The following ADCY9 variants were observed in gnomAD, a reference collection of about 807,000 sequenced individuals.
The protein encoded by ADCY9 is adenylate cyclase type 9.
ADCY9 carries 50 observed loss-of-function variants against 101.5 expected under a neutral mutation model. That is an observed-to-expected ratio of 0.49 (90% confidence interval 0.39 to 0.62). The LOEUF (loss-of-function observed/expected upper bound fraction) is 0.62, where lower values mean the gene tolerates loss of function less well. Ranked by LOEUF, ADCY9 falls within the 20% of genes least tolerant of loss-of-function variation. The pLI, the probability that ADCY9 is intolerant of heterozygous loss-of-function variation, is 0.00. For missense variants in ADCY9, 1,662 were observed against 1,800.4 expected (o/e 0.92, Z 1.39); for synonymous variants, 905 against 769.3 (o/e 1.18, Z -2.92).
chr16:4,097,549 A>ATTTTT (rs71394654), intron 2 of ADCY9, among the ~76,000 whole-genome samples: 578 of 48,106 alleles, frequency 0.012, 17 homozygotes, highest in Admixed American at 0.017. Flanking sequence ...ATATATATAT[A>ATTTTT]TATATTTTTT....
intron 2 of ADCY9, among the ~76,000 whole-genome samples, chr16:4,109,141 T>C (rs940305819): frequency 6.6e-6 from 1 of 152,222 alleles, no homozygotes; most frequent in Admixed American, 6.5e-5. Flanking sequence ...TCCTGCTTTA[T>C]GTTTGTTCAC....
intron 2 of ADCY9, among the ~76,000 whole-genome samples, chr16:4,089,075 A>C (rs879760508): frequency 1.3e-5 from 2 of 151,926 alleles, no homozygotes; most frequent in Admixed American, 6.6e-5. Context: ...AATCATATAA[A>C]ACGTGGCATT....
intron 2 of ADCY9, among the ~76,000 whole-genome samples, chr16:4,014,519 C>T (rs1473800662): frequency 6.6e-6 from 1 of 151,678 alleles, no homozygotes; most frequent in African/African-American, 2.4e-5. Flanking sequence ...GCGATCTCAG[C>T]TCACTGCAAC....
intron 2 of ADCY9, among the ~76,000 whole-genome samples, chr16:4,012,365 C>A (rs555052520): frequency 2.0e-5 from 3 of 151,108 alleles, no homozygotes; most frequent in East Asian, 3.9e-4. Context: ...TCAAGCCCAG[C>A]GAAAGTCTTA....
chr16:3,974,818 G>A (rs998370354), intron 9 of ADCY9, 108 bp from the exon 10 acceptor site: 5 of 881,226 alleles, frequency 5.7e-6, no homozygotes, highest in South Asian at 4.3e-5. Flanking sequence ...AGACGTGGTT[G>A]TACATCCACA....
chr16:3,989,792 A>G (rs2056229442), intron 5 of ADCY9, among the ~76,000 whole-genome samples: 2 of 152,222 alleles, frequency 1.3e-5, no homozygotes, highest in African/African-American at 2.4e-5. Context: ...GAGTACTTAC[A>G]TGGATTTGGA....
chr16:4,115,627 C>G lies in ADCY9; in HGVS notation c.-44+63G>C. On this transcript the variant is annotated intron_variant, in intron 1 of 10. Transcript: ENST00000294016. The surrounding 1 kb of genome is among the most constrained non-coding windows in gnomAD (Gnocchi z 6.2). The stretch of plus-strand genomic sequence containing the variant: ...TCTGTTCCTGTGGTTCCCGGCTCAG[C>G]GGTGCTCCCACCGCCCCCACCGCCC... 1.4e-6 allele frequency: 1 copy of G among 721,718 alleles called. No individual in the cohort carries two copies. The highest frequency in any genetic ancestry group is 2.2e-5 in the South Asian group (1 of 44,786). 44.7% of individuals were successfully genotyped at this position (721,718 alleles called of 1,614,324 possible). A position where few individuals can be genotyped will look rare whatever the true frequency, so the allele number is the denominator to read the frequency against.
chr16:3,954,743 C>G (rs1467514647), intron 5 of ADCY9, among the ~76,000 whole-genome samples: 1 of 152,142 alleles, frequency 6.6e-6, no homozygotes, highest in Non-Finnish European at 1.5e-5. Context: ...GGAGTCCACA[C>G]AGGGGAGCTC....
chr16:4,066,583 C>T (rs947647787), intron 2 of ADCY9, among the ~76,000 whole-genome samples: 13 of 152,052 alleles, frequency 8.5e-5, no homozygotes, highest in Non-Finnish European at 1.6e-4. Flanking sequence ...AATGAGGTCT[C>T]GCTGTTGCCC....
chr16:4,075,844 C>CAAA (rs146514915), intron 2 of ADCY9, among the ~76,000 whole-genome samples: 2 of 151,658 alleles, frequency 1.3e-5, no homozygotes, highest in Non-Finnish European at 2.9e-5. Context: ...AGATACCTGG[C>CAAA]TGAGAGTATC....
At chr16:4,099,423 T>C (rs539084348) in intron 2 of ADCY9, among the ~76,000 whole-genome samples, 3 of 152,232 alleles carry the variant, frequency 2.0e-5, no homozygotes, top group Admixed American at 6.5e-5. Context: ...GAAACATGCA[T>C]ATACTATTCA....
chr16:3,974,929 G>T (rs551907526), intron 9 of ADCY9, among the ~76,000 whole-genome samples: 2 of 152,092 alleles, frequency 1.3e-5, no homozygotes, highest in Admixed American at 6.6e-5. Flanking sequence ...TTACCATCCC[G>T]CATCCTCTCT....
chr16:4,038,478 G>T (rs1208378821), intron 2 of ADCY9, among the ~76,000 whole-genome samples: 1 of 152,070 alleles, frequency 6.6e-6, no homozygotes, highest in African/African-American at 2.4e-5. Context: ...CAATGCCAAG[G>T]CCTCGATCCT....
At chr16:3,973,780 A>G (rs868130736) in intron 10 of ADCY9, among the ~76,000 whole-genome samples, 17 of 152,194 alleles carry the variant, frequency 1.1e-4, no homozygotes, top group Admixed American at 4.6e-4. Context: ...GGCGGGAGTC[A>G]CCGAGCCCGG....
intron 3 of ADCY9, among the ~76,000 whole-genome samples, chr16:3,995,588 C>G (rs148705889): frequency 6.7e-6 from 1 of 149,712 alleles, no homozygotes; most frequent in Non-Finnish European, 1.5e-5. Flanking sequence ...GAAGACAAAC[C>G]GTGGCAAGAA....
chr16:4,093,738 G>A (rs975973628), intron 2 of ADCY9, among the ~76,000 whole-genome samples: 4 of 152,236 alleles, frequency 2.6e-5, no homozygotes, highest in East Asian at 1.9e-4. Context: ...CAGCCTGGGC[G>A]ACAGAGCCAG....
At chr16:3,958,541 C>CA (rs57920543), downstream of ADCY9, among the ~76,000 whole-genome samples, 149 of 104,118 alleles carry the variant, frequency 1.4e-3, no homozygotes, top group East Asian at 2.2e-3. Context: ...AACTCCGTCT[C>CA]AAAAAAAAAA....
chr16:4,033,511 G>A (rs1169839901), intron 2 of ADCY9, among the ~76,000 whole-genome samples: 7 of 147,960 alleles, frequency 4.7e-5, no homozygotes, highest in Non-Finnish European at 1.0e-4. Flanking sequence ...TTGGCTCACT[G>A]CAACTTCCAC....
intron 2 of ADCY9, among the ~76,000 whole-genome samples, chr16:4,088,372 G>C (rs912655140): frequency 1.3e-5 from 2 of 151,844 alleles, no homozygotes; most frequent in African/African-American, 4.8e-5. Context: ...GCTCACTGTA[G>C]CCTCAACTTC....
Sources: allele counts gnomAD v4.1 joint callset (sites outside exome capture counted in the v4.1 genomes callset), GRCh38; gene constraint gnomAD v4.1.1; non-coding constraint Gnocchi (gnomAD v3.1); transcripts MANE v1.5; gene names NCBI Gene and HGNC (gene_info 2026-07-23, HGNC 2026-07-21).